XKR9: variants seen among roughly 807,000 people sequenced by gnomAD.
XKR9 encodes XK-related protein 9.
Under a neutral mutation model 32.0 loss-of-function variants are expected in XKR9, and 32 were observed. The ratio of observed to expected loss-of-function variants is 1.00; its 90% confidence interval spans 0.76 to 1.34. The LOEUF (loss-of-function observed/expected upper bound fraction) is 1.34. XKR9 is among the 40% of genes most tolerant of loss of function. XKR9 has a pLI of 0.00. For synonymous variants in XKR9, 168 were observed against 143.4 expected, an observed-to-expected ratio of 1.17 and a Z score of -1.22; for missense variants, 546 against 429.7, an observed-to-expected ratio of 1.27 and a Z score of -2.39.
At chr8:70,755,926 A>G (rs1327984363) in intron 2 of XKR9, among the ~76,000 whole-genome samples, 2 of 152,150 alleles carry the variant, frequency 1.3e-5, no homozygotes, top group Non-Finnish European at 2.9e-5. Context: ...TAATTAAAAA[A>G]AAGATTTTGG....
the XKR9 span, among the ~76,000 whole-genome samples, chr8:71,052,954 T>A: frequency 6.6e-6 from 1 of 152,196 alleles, no homozygotes; most frequent in Non-Finnish European, 1.5e-5. Flanking sequence ...TGACTGTGCC[T>A]CAGTTTTTCA....
At chr8:70,930,807 T>C in the XKR9 span, among the ~76,000 whole-genome samples, 2 of 152,300 alleles carry the variant, frequency 1.3e-5, no homozygotes, top group East Asian at 3.9e-4. Context: ...GTCTATCTAA[T>C]GGCTGTCATC....
At chr8:70,710,759 C>T (rs1047054931) in intron 4 of XKR9, among the ~76,000 whole-genome samples, 2 of 150,656 alleles carry the variant, frequency 1.3e-5, no homozygotes, top group African/African-American at 4.9e-5. Flanking sequence ...AAAGCAATTG[C>T]AACAAAAAAA....
chr8:70,993,419 G>A, the XKR9 span, among the ~76,000 whole-genome samples: 32 of 152,152 alleles, frequency 2.1e-4, no homozygotes, highest in African/African-American at 7.5e-4. Flanking sequence ...GTTAAGCCTG[G>A]TACTCTGGCC....
rs1180974288 is a variant in XKR9, at chr8:70,735,025, A to G, written c.*601A>G. ...AGCTTTTCTGAATTAATGCACTCTTAACATATAATTATATTAATCCTATTT... is the reference window on the plus strand; with the variant it reads ...AGCTTTTCTGAATTAATGCACTCTTGACATATAATTATATTAATCCTATTT... On this transcript the variant is annotated 3_prime_UTR_variant, in exon 5 of 5. Transcript: ENST00000408926. 1.3e-5 allele frequency: 2 copies of G among 152,134 alleles called. No homozygotes were observed. Among genetic ancestry groups the G allele is most frequent in the African/African-American group, 4.8e-5 (2 of 41,416 alleles). The allele number at this position is 152,134 out of a possible 1,614,324, so 9.4% of individuals were successfully genotyped here. A position where few individuals can be genotyped will look rare whatever the true frequency, so the allele number is the denominator to read the frequency against.
chr8:71,065,128 T>C, the XKR9 span, among the ~76,000 whole-genome samples: 1 of 152,188 alleles, frequency 6.6e-6, no homozygotes, highest in Non-Finnish European at 1.5e-5. Context: ...TGAGAAGTTA[T>C]AAATACTCTT....
intron 3 of XKR9, among the ~76,000 whole-genome samples, chr8:70,705,455 GTAAT>G (rs1322995879): frequency 1.3e-5 from 2 of 152,160 alleles, no homozygotes; most frequent in Non-Finnish European, 2.9e-5. Context: ...CTATAAGTAA[GTAAT>G]ATTTGAGTAG....
At chr8:70,745,769 G>T (rs1807050099) in intron 2 of XKR9, among the ~76,000 whole-genome samples, 1 of 152,170 alleles carries the variant, frequency 6.6e-6, no homozygotes, top group South Asian at 2.1e-4. Context: ...GATCAACTAT[G>T]TATTGCTACA....
the XKR9 span, among the ~76,000 whole-genome samples, chr8:70,823,619 G>A: frequency 6.6e-6 from 1 of 152,314 alleles, no homozygotes; most frequent in South Asian, 2.1e-4. Context: ...AAAAAAGTGT[G>A]CAGGAGATTC....
chr8:70,734,967 G>A lies in XKR9; in HGVS notation c.*543G>A, dbSNP rs1806816798. The A allele has an allele frequency of 6.6e-6, 1 of 152,174 alleles. No individual in the cohort carries two copies. Among genetic ancestry groups the A allele is most frequent in the Admixed American group, 6.6e-5 (1 of 15,250 alleles). The allele number at this position is 152,174 out of a possible 1,614,324, so 9.4% of individuals were successfully genotyped here. A position where few individuals can be genotyped will look rare whatever the true frequency, so the allele number is the denominator to read the frequency against. ...CAAAAGAGAATTGGTGTGCATCTGA[G>A]AGGTCTGACATTTCATTATTTACTT... On this transcript the variant is annotated 3_prime_UTR_variant, in exon 5 of 5. Transcript: ENST00000408926.
the XKR9 span, among the ~76,000 whole-genome samples, chr8:70,831,621 T>C: frequency 6.6e-6 from 1 of 152,154 alleles, no homozygotes; most frequent in South Asian, 2.1e-4. Context: ...GCACTATCAG[T>C]CACAATTCTA....
chr8:70,756,887 A>G (rs1317502140), intron 2 of XKR9, among the ~76,000 whole-genome samples: 1 of 152,164 alleles, frequency 6.6e-6, no homozygotes, highest in Non-Finnish European at 1.5e-5. Context: ...AAGGTCAAAT[A>G]GAAGTGTTGA....
the XKR9 span, among the ~76,000 whole-genome samples, chr8:70,891,803 G>C: frequency 9.4e-3 from 1,429 of 152,104 alleles, 22 homozygotes; most frequent in African/African-American, 0.033. Flanking sequence ...TAAATCCAAT[G>C]TTTCTTTTGA....
the XKR9 span, among the ~76,000 whole-genome samples, chr8:71,004,125 T>A: frequency 6.6e-6 from 1 of 152,136 alleles, no homozygotes; most frequent in Non-Finnish European, 1.5e-5. Flanking sequence ...GCTGGGGTCA[T>A]CCCGTGGAGG....
At chr8:70,771,311 T>A (rs902830521) in intron 2 of XKR9, among the ~76,000 whole-genome samples, 6 of 152,200 alleles carry the variant, frequency 3.9e-5, no homozygotes, top group Admixed American at 2.0e-4. Context: ...TCACCTGCCT[T>A]CTGCATTGGT....
chr8:70,724,607 C>A (rs188881169), intron 4 of XKR9, among the ~76,000 whole-genome samples: 1 of 152,096 alleles, frequency 6.6e-6, no homozygotes, highest in Non-Finnish European at 1.5e-5. Flanking sequence ...CAGTCCCTCA[C>A]GGCTTCCCTT....
At chr8:70,784,412 T>A (rs1277202510) in intron 2 of XKR9, among the ~76,000 whole-genome samples, 1 of 35,078 alleles carries the variant, frequency 2.9e-5, no homozygotes, top group Non-Finnish European at 9.8e-5. Flanking sequence ...GTGTACAGAT[T>A]TTTTTTACCT....
chr8:70,733,376 G>C (rs145895066), intron 4 of XKR9, among the ~76,000 whole-genome samples: 1 of 151,774 alleles, frequency 6.6e-6, no homozygotes, highest in Non-Finnish European at 1.5e-5. Context: ...AGTGAATTGG[G>C]TGTATGCCTA....
At chr8:70,835,155 T>C in the XKR9 span, among the ~76,000 whole-genome samples, 4 of 152,036 alleles carry the variant, frequency 2.6e-5, no homozygotes, top group Admixed American at 6.6e-5. Context: ...TCTGATAGAG[T>C]GTCAGCTCAA....
Sources: allele counts gnomAD v4.1 joint callset (sites outside exome capture counted in the v4.1 genomes callset), GRCh38; gene constraint gnomAD v4.1.1; transcripts MANE v1.5; gene names NCBI Gene and HGNC (gene_info 2026-07-23, HGNC 2026-07-21).